Variants in TARBP1 observed in about 807,000 individuals in gnomAD.
The protein encoded by TARBP1 is tRNA (guanosine(18)-2'-O)-methyltransferase TARBP1.
TARBP1 carries 144 observed loss-of-function variants against 178.6 expected under a neutral mutation model. The observed-to-expected ratio is 0.81, with a 90% CI of 0.70 to 0.93. The LOEUF (loss-of-function observed/expected upper bound fraction) is 0.93, where lower values mean the gene tolerates loss of function less well. Ranked by LOEUF, TARBP1 falls within the 40% of genes least tolerant of loss-of-function variation. TARBP1 has a pLI of 0.00. For missense variants in TARBP1, 2,067 were observed against 2,011.7 expected, an observed-to-expected ratio of 1.03 and a Z score of -0.53; for synonymous variants, 787 against 781.0, an observed-to-expected ratio of 1.01 and a Z score of -0.13.
Position 234,445,189 on chromosome 1 carries a change from G to A in TARBP1, c.2134+1614C>T, listed in dbSNP as rs535653774. On this transcript the variant is annotated intron_variant, in intron 12 of 29. Transcript: ENST00000040877. The stretch of plus-strand genomic sequence containing the variant: ...GATCCCACCCTCCTCCCGGAAACAC[G>A]TTCTTCGCTGGCTTCCTGGTTTTCC... Among the ~76,000 whole-genome samples, 6 of 152,042 alleles carry A rather than the reference G, an allele frequency of 3.9e-5. No homozygotes were observed. The South Asian group carries it at 1.0e-3, about 26-fold the overall frequency.
intron 21 of TARBP1, among the ~76,000 whole-genome samples, chr1:234,419,769 C>T (rs543571466): frequency 3.6e-4 from 54 of 152,008 alleles, no homozygotes; most frequent in African/African-American, 1.2e-3. Flanking sequence ...AAAATAGCAA[C>T]CTCCCCCACC....
At chr1:234,393,002 A>G (rs1358806032) in intron 28 of TARBP1, among the ~76,000 whole-genome samples, 3 of 152,156 alleles carry the variant, frequency 2.0e-5, no homozygotes, top group Non-Finnish European at 2.9e-5. Flanking sequence ...TACAGGCGTG[A>G]GCCACCGCGC....
At chr1:234,429,783 T>A in intron 15 of TARBP1, 106 bp from the exon 16 acceptor site, 1 of 1,227,450 alleles carries the variant, frequency 8.1e-7, no homozygotes, top group Non-Finnish European at 1.1e-6. Flanking sequence ...GGGGGCAGTG[T>A]ACAGATATAA....
At chr1:234,418,354 C>A in intron 21 of TARBP1, 121 bp from the exon 22 acceptor site, 3 of 824,844 alleles carry the variant, frequency 3.6e-6, no homozygotes, top group Admixed American at 3.7e-5. Context: ...ATCTACAACT[C>A]TCCGAGCAAA....
intron 20 of TARBP1, 46 bp downstream of exon 20, chr1:234,425,627 C>T (rs1216554787): frequency 1.3e-6 from 2 of 1,576,980 alleles, no homozygotes; most frequent in African/African-American, 1.4e-5. Context: ...AAATGTTGAC[C>T]TCTGACTGTT....
At chr1:234,446,666 A>ATTTCTTAATATATAATTATATAG in intron 12 of TARBP1, 137 bp downstream of exon 12, 1 of 336,824 alleles carries the variant, frequency 3.0e-6, no homozygotes, top group Non-Finnish European at 4.5e-6. Flanking sequence ...TAATTATATA[A>ATTTCTTAATATATAATTATATAG]TTTCTTAAAT....
chr1:234,462,699 A>AAAG (rs1177945838), intron 6 of TARBP1, among the ~76,000 whole-genome samples: 2 of 151,538 alleles, frequency 1.3e-5, no homozygotes, highest in Non-Finnish European at 2.9e-5. Flanking sequence ...AAAAAAAAAA[A>AAAG]AAAAAAAGAA....
At chr1:234,450,334 T>G in intron 10 of TARBP1, 94 bp downstream of exon 10, 1 of 971,902 alleles carries the variant, frequency 1.0e-6, no homozygotes, top group Non-Finnish European at 1.5e-6. Flanking sequence ...CATCATATAT[T>G]TCGTAAAGCC....
intron 26 of TARBP1, 157 bp downstream of exon 26, chr1:234,398,225 C>A: frequency 4.3e-6 from 2 of 466,542 alleles, no homozygotes; most frequent in Non-Finnish European, 6.9e-6. Flanking sequence ...CAAAGTTATA[C>A]CACACTTTTT....
intron 1 of TARBP1, among the ~76,000 whole-genome samples, chr1:234,476,420 C>T (rs676203): frequency 0.24 from 36,535 of 152,106 alleles, 4,952 homozygotes; most frequent in Non-Finnish European, 0.31. Context: ...CCGGGGTAAG[C>T]GTGAGGTCTG....
intron 6 of TARBP1, among the ~76,000 whole-genome samples, chr1:234,463,215 T>A (rs1242469232): frequency 1.3e-5 from 2 of 152,096 alleles, no homozygotes; most frequent in Non-Finnish European, 2.9e-5. Context: ...CCACTGCCTC[T>A]TGGGTTCAAG....
intron 7 of TARBP1, 94 bp downstream of exon 7, chr1:234,460,167 C>T (rs1473717436): frequency 7.4e-7 from 1 of 1,342,576 alleles, no homozygotes; most frequent in Non-Finnish European, 9.9e-7. Flanking sequence ...TTAACTATAT[C>T]CATTTACTGT....
intron 9 of TARBP1, 100 bp downstream of exon 9, chr1:234,457,567 A>C: frequency 1.4e-6 from 1 of 736,788 alleles, no homozygotes; most frequent in South Asian, 1.8e-5. Context: ...CAGATAACAA[A>C]GCAATCATTA....
chr1:234,455,114 A>C (rs919373973), intron 9 of TARBP1, among the ~76,000 whole-genome samples: 1 of 152,224 alleles, frequency 6.6e-6, no homozygotes, highest in African/African-American at 2.4e-5. Flanking sequence ...AAGGAAGCAC[A>C]AGCCAGCCAG....
At chr1:234,448,005 T>C (rs1035908561) in intron 11 of TARBP1, among the ~76,000 whole-genome samples, 1 of 152,212 alleles carries the variant, frequency 6.6e-6, no homozygotes, top group African/African-American at 2.4e-5. Flanking sequence ...AATGGTGCAA[T>C]CGTGGCTCAC....
intron 26 of TARBP1, among the ~76,000 whole-genome samples, chr1:234,395,407 CA>C (rs1184986042): frequency 1.3e-5 from 2 of 152,060 alleles, no homozygotes; most frequent in Admixed American, 1.3e-4. Flanking sequence ...TAAATGAAGA[CA>C]AGGCAAGAGG....
chr1:234,397,228 AG>A (rs1422496036), intron 26 of TARBP1, among the ~76,000 whole-genome samples: 2 of 56 alleles, frequency 0.036, no homozygotes, highest in African/African-American at 0.17. Context: ...GAGGGGGAGG[AG>A]GGGGGAAGGG....
intron 22 of TARBP1, among the ~76,000 whole-genome samples, chr1:234,412,012 C>T (rs577244611): frequency 1.3e-5 from 2 of 152,282 alleles, no homozygotes; most frequent in East Asian, 3.9e-4. Context: ...TAAAAATCTA[C>T]TGGAGAAGAT....
At chr1:234,452,588 GCAGTAAGAACTCT>G (rs1353814201) in intron 9 of TARBP1, among the ~76,000 whole-genome samples, 1 of 152,138 alleles carries the variant, frequency 6.6e-6, no homozygotes, top group East Asian at 1.9e-4. Context: ...AGAATGTGGG[GCAGTAAGAACTCT>G]CATTCTTTGC....
Sources: gnomAD v4.1 joint callset for allele counts (sites outside exome capture counted in the v4.1 genomes callset) on GRCh38, gnomAD v4.1.1 for gene constraint, MANE v1.5 for transcripts, NCBI Gene and HGNC (gene_info 2026-07-23, HGNC 2026-07-21) for gene names.